FUT9: variants seen among roughly 807,000 people sequenced by gnomAD.
The protein encoded by FUT9 is fucosyltransferase 9.
FUT9 carries 15 observed loss-of-function variants against 29.7 expected under a neutral mutation model. That is an observed-to-expected ratio of 0.51 (90% CI 0.34 to 0.78). FUT9 has a LOEUF of 0.78. Among genes scored for constraint, FUT9 ranks in the 30% least tolerant of loss-of-function variants. The pLI is 0.01. For synonymous variants in FUT9, 169 were observed against 153.7 expected, an observed-to-expected ratio of 1.10 and a Z score of -0.74; for missense variants, 319 against 425.4, an observed-to-expected ratio of 0.75 and a Z score of 2.20.
intron 2 of FUT9, among the ~76,000 whole-genome samples, chr6:96,135,066 A>G (rs911871165): frequency 1.3e-5 from 2 of 151,926 alleles, no homozygotes; most frequent in African/African-American, 2.4e-5. Context: ...AAGGAGTAAC[A>G]TGTTGCTTGG....
At chr6:96,034,311 CTA>C (rs1033065218) in intron 1 of FUT9, among the ~76,000 whole-genome samples, 2 of 151,408 alleles carry the variant, frequency 1.3e-5, no homozygotes, top group African/African-American at 4.8e-5. Flanking sequence ...AGATAATTGC[CTA>C]TGAGGTTATG....
intron 1 of FUT9, among the ~76,000 whole-genome samples, chr6:96,057,217 G>T (rs1330189962): frequency 2.0e-5 from 3 of 152,140 alleles, no homozygotes; most frequent in Non-Finnish European, 4.4e-5. Context: ...TAAAAGAGAG[G>T]TTGGATAGAT....
chr6:96,074,747 A>T (rs1318135914), intron 1 of FUT9, among the ~76,000 whole-genome samples: 1 of 152,110 alleles, frequency 6.6e-6, no homozygotes, highest in African/African-American at 2.4e-5. Flanking sequence ...TATAGGCAAT[A>T]AAGTAATTAG....
chr6:96,183,874 T>C (rs1303664944), intron 2 of FUT9, among the ~76,000 whole-genome samples: 2 of 152,132 alleles, frequency 1.3e-5, no homozygotes, highest in African/African-American at 2.4e-5. Context: ...TTTGCATCTA[T>C]GTTCTTCAGG....
At chr6:96,142,682 T>C (rs1480687350) in intron 2 of FUT9, among the ~76,000 whole-genome samples, 2 of 151,952 alleles carry the variant, frequency 1.3e-5, no homozygotes, top group Admixed American at 1.3e-4. Context: ...GTATTGCAGG[T>C]TGTTAACAAA....
intron 2 of FUT9, among the ~76,000 whole-genome samples, chr6:96,118,508 C>T (rs1771957578): frequency 6.6e-6 from 1 of 152,152 alleles, no homozygotes; most frequent in Admixed American, 6.5e-5. Context: ...TGTAAACAAA[C>T]TTATTGCACT....
chr6:96,107,882 A>G (rs959196703), intron 1 of FUT9, among the ~76,000 whole-genome samples: 1 of 152,166 alleles, frequency 6.6e-6, no homozygotes, highest in African/African-American at 2.4e-5. Context: ...TAAGTGAGAG[A>G]GAAGGAATAA....
intron 1 of FUT9, among the ~76,000 whole-genome samples, chr6:96,106,827 T>C (rs1771695244): frequency 6.6e-6 from 1 of 152,216 alleles, no homozygotes; most frequent in Middle Eastern, 3.2e-3. Context: ...ATGGAGTGCT[T>C]AAACTTGATT....
chr6:96,036,319 G>A (rs1770364636), intron 1 of FUT9, among the ~76,000 whole-genome samples: 1 of 151,344 alleles, frequency 6.6e-6, no homozygotes, highest in South Asian at 2.1e-4. Context: ...TGCTGCAAGA[G>A]TAACAAATTA....
chr6:96,121,148 C>T (rs1219844868), intron 2 of FUT9, among the ~76,000 whole-genome samples: 1 of 152,108 alleles, frequency 6.6e-6, no homozygotes, highest in Non-Finnish European at 1.5e-5. Flanking sequence ...CATTAATTTA[C>T]TTTTGCCTTG....
intron 1 of FUT9, among the ~76,000 whole-genome samples, chr6:96,069,845 A>G (rs1733906751): frequency 6.6e-6 from 1 of 151,860 alleles, no homozygotes; most frequent in African/African-American, 2.4e-5. Flanking sequence ...GTTAGCCAGG[A>G]TGGTCTCAAT....
intron 2 of FUT9, among the ~76,000 whole-genome samples, chr6:96,121,601 G>A (rs576051367): frequency 2.8e-4 from 42 of 152,000 alleles, no homozygotes; most frequent in African/African-American, 8.7e-4. Context: ...GTCAATTATC[G>A]CTCTATAGGT....
intron 1 of FUT9, among the ~76,000 whole-genome samples, chr6:96,086,803 A>G (rs188829319): frequency 6.6e-6 from 1 of 152,254 alleles, no homozygotes; most frequent in Admixed American, 6.5e-5. Flanking sequence ...GTTAGTTAAT[A>G]TTTTCCACTG....
At position 96,173,640 on chromosome 6, in the gene FUT9, A is replaced by G. The variant is rs577784296; in HGVS notation, c.-8-29508A>G. Among the ~76,000 whole-genome samples, 9 of 152,230 alleles carry G rather than the reference A, an allele frequency of 5.9e-5. No homozygotes were observed. In the South Asian group the frequency reaches 1.9e-3, roughly 32 times the overall value. On this transcript the variant is annotated intron_variant, in intron 2 of 2. Coordinates refer to ENST00000302103, the MANE Select transcript of FUT9 (RefSeq NM_006581.4). The stretch of plus-strand genomic sequence containing the variant: ...AGAAAAAACTGGTGACTATTTTATC[A>G]GATAAAATACTCTTACATCTGTCTT...
At chr6:96,168,316 T>C (rs764147240) in intron 2 of FUT9, among the ~76,000 whole-genome samples, 7 of 152,156 alleles carry the variant, frequency 4.6e-5, no homozygotes, top group Non-Finnish European at 8.8e-5. Context: ...TGCACATATA[T>C]GTGGAACAAA....
chr6:96,088,136 T>C (rs1447138874), intron 1 of FUT9, among the ~76,000 whole-genome samples: 1 of 152,120 alleles, frequency 6.6e-6, no homozygotes, highest in East Asian at 1.9e-4. Context: ...AAATATCTAA[T>C]GTAAATGACA....
At position 96,120,861 on chromosome 6, in the gene FUT9, A is replaced by G. The variant is rs4295489; in HGVS notation, c.-9+6734A>G. Reference sequence around the variant, plus strand: ...GTGGTGTCTCAAATCTTTCTCCTCCACAAGGAGAAGTAGATGGAGTATAGA... The same window carrying G: ...GTGGTGTCTCAAATCTTTCTCCTCCGCAAGGAGAAGTAGATGGAGTATAGA... On this transcript the variant is annotated intron_variant, in intron 2 of 2. Coordinates refer to ENST00000302103, the MANE Select transcript of FUT9 (RefSeq NM_006581.4). Among the ~76,000 whole-genome samples, 557 of 152,010 alleles carry G rather than the reference A, an allele frequency of 3.7e-3. 4 individuals are homozygous for G. The highest frequency in any genetic ancestry group is 6.8e-3 in the Middle Eastern group (2 of 294).
At chr6:96,081,767 T>G (rs1165257933) in intron 1 of FUT9, among the ~76,000 whole-genome samples, 2 of 151,942 alleles carry the variant, frequency 1.3e-5, no homozygotes, top group Admixed American at 6.6e-5. Context: ...GTGTTTGTGC[T>G]GATTTACACT....
intron 1 of FUT9, among the ~76,000 whole-genome samples, chr6:96,063,878 A>T (rs1582204348): frequency 6.6e-6 from 1 of 152,340 alleles, no homozygotes; most frequent in East Asian, 1.9e-4. Context: ...CAAGGAGCTT[A>T]TGGTAAAGTC....
Sources: gnomAD v4.1 joint callset for allele counts (sites outside exome capture counted in the v4.1 genomes callset) on GRCh38, gnomAD v4.1.1 for gene constraint, MANE v1.5 for transcripts, NCBI Gene and HGNC (gene_info 2026-07-23, HGNC 2026-07-21) for gene names.